IL17RA: variants seen among roughly 807,000 people sequenced by gnomAD.
IL17RA encodes interleukin-17 receptor A.
Under a neutral mutation model 50.4 loss-of-function variants are expected in IL17RA, and 34 were observed. The ratio of observed to expected loss-of-function variants is 0.67; its 90% CI spans 0.51 to 0.90. The LOEUF (loss-of-function observed/expected upper bound fraction) is 0.90. IL17RA is among the 40% of genes least tolerant of loss of function. IL17RA has a pLI of 0.00. For synonymous variants in IL17RA, 585 were observed against 510.4 expected, an observed-to-expected ratio of 1.15 and a Z score of -1.97; for missense variants, 1,276 against 1,169.8, an observed-to-expected ratio of 1.09 and a Z score of -1.32.
intron 1 of IL17RA, among the ~76,000 whole-genome samples, chr22:17,092,132 T>G (rs1258694196): frequency 2.0e-5 from 3 of 151,924 alleles, no homozygotes; most frequent in South Asian, 2.1e-4. Flanking sequence ...TGGCCAGTGG[T>G]TTAATCAGTC....
At position 17,110,205 on chromosome 22, in the gene IL17RA, C is replaced by T. The variant is rs765799372; in HGVS notation, c.*385C>T. The T allele has an allele frequency of 6.3e-6, 2 of 318,598 alleles. No individual in the cohort carries two copies. The highest frequency in any genetic ancestry group is 2.2e-5 in the African/African-American group (1 of 45,526). 19.7% of individuals were successfully genotyped at this position (318,598 alleles called of 1,614,324 possible). On this transcript the variant is annotated 3_prime_UTR_variant, in exon 13 of 13. Coordinates refer to ENST00000319363, the MANE Select transcript of IL17RA (RefSeq NM_014339.7). ...CCGCTAGTGCCGAGGACACGTTAAA[C>T]GAACAGGATGGGCCGGGCACGGTGG...
intron 1 of IL17RA, 138 bp downstream of exon 1, chr22:17,085,367 A>G: frequency 1.7e-5 from 23 of 1,392,764 alleles, no homozygotes; most frequent in Non-Finnish European, 2.2e-5. Context: ...AGGGGCTCAG[A>G]GCCTTGGGCA....
intron 1 of IL17RA, among the ~76,000 whole-genome samples, chr22:17,087,429 A>T (rs1181882158): frequency 6.6e-6 from 1 of 152,250 alleles, no homozygotes; most frequent in Non-Finnish European, 1.5e-5. Context: ...TTAGCCTTCC[A>T]TAACTATCCT....
chr22:17,097,942 C>T lies in IL17RA; in HGVS notation c.309C>T (p.Asp103=), dbSNP rs747724993. Residue 103 remains aspartate (D), a splice_region_variant and synonymous_variant, in exon 3 of 13, where the codon GAC becomes GAT. Transcript: ENST00000319363. ...ACATCGAATGGACACTGCAGACAGA[C>T]GGTGAGTGGGCATGCCAGCAGGGCC... The part of the protein sequence containing the change: ...VAHIEWTLQT[D]ASILYLEGAE... 1.4e-5 allele frequency: 22 copies of T among 1,613,892 alleles called. No homozygotes were observed. The highest frequency in any genetic ancestry group is 1.2e-4 in the African/African-American group (9 of 74,934).
intron 9 of IL17RA, 76 bp from the exon 10 acceptor site, chr22:17,105,515 C>T (rs777031798): frequency 6.5e-5 from 92 of 1,426,082 alleles, no homozygotes; most frequent in Middle Eastern, 1.7e-4. Context: ...CCTCAAGGGA[C>T]GTCAGTTGTG....
At position 17,103,559 on chromosome 22, in the gene IL17RA, C is replaced by T; in HGVS notation, c.828C>T (p.Cys276=). Residue 276 remains cysteine, a synonymous_variant, in exon 8 of 13, where the codon TGC becomes TGT. Transcript: ENST00000319363. ...VTLTLRNLKG[C]CRHQVQIQPF... ...TCACTCTACGCAACCTTAAAGGGTG[C>T]TGTCGCCACCAAGTGCAGGTGGGTG... 6.2e-7 allele frequency: 1 copy of T among 1,612,980 alleles called. No individual in the cohort carries two copies. Among genetic ancestry groups the T allele is most frequent in the East Asian group, 2.2e-5 (1 of 44,820 alleles).
intron 3 of IL17RA, 51 bp from the exon 4 acceptor site, chr22:17,098,724 T>G (rs1395255077): frequency 1.4e-6 from 2 of 1,475,042 alleles, no homozygotes; most frequent in Admixed American, 3.4e-5. Flanking sequence ...CACCCAGCAC[T>G]TGTCTTGGCT....
chr22:17,098,771 G>A lies in IL17RA; in HGVS notation c.311-4G>A, dbSNP rs757862938. On this transcript the variant is annotated splice_region_variant and splice_polypyrimidine_tract_variant and intron_variant, in intron 3 of 12. Transcript: ENST00000319363. ...GTTTGTCTTCTCTTCTCCCTCTCCT[G>A]CAGCCAGCATCCTGTACCTCGAGGG... 5.6e-6 allele frequency: 9 copies of A among 1,612,638 alleles called. No homozygotes were observed. Among genetic ancestry groups the A allele is most frequent in the African/African-American group, 5.3e-5 (4 of 75,034 alleles).
intron 1 of IL17RA, among the ~76,000 whole-genome samples, chr22:17,087,425 T>A (rs1421141271): frequency 6.6e-6 from 1 of 152,246 alleles, no homozygotes; most frequent in African/African-American, 2.4e-5. Flanking sequence ...CGATTTAGCC[T>A]TCCATAACTA....
At chr22:17,106,702 G>A (rs749403219) in intron 11 of IL17RA, among the ~76,000 whole-genome samples, 1 of 152,136 alleles carries the variant, frequency 6.6e-6, no homozygotes, top group Non-Finnish European at 1.5e-5. Context: ...CCTTCCCTAG[G>A]CTCGTCAGGA....
At chr22:17,089,185 A>G (rs2061339267) in intron 1 of IL17RA, among the ~76,000 whole-genome samples, 2 of 152,082 alleles carry the variant, frequency 1.3e-5, no homozygotes, top group Non-Finnish European at 2.9e-5. Context: ...GGCCTCCAAA[A>G]ATGTTGGGAT....
At chr22:17,100,999 A>G (rs1047790074) in intron 5 of IL17RA, among the ~76,000 whole-genome samples, 2 of 152,174 alleles carry the variant, frequency 1.3e-5, no homozygotes, top group South Asian at 2.1e-4. Flanking sequence ...TTTGATGTAC[A>G]TGTACCTTCT....
At chr22:17,089,251 C>T (rs2061339491) in intron 1 of IL17RA, among the ~76,000 whole-genome samples, 1 of 152,134 alleles carries the variant, frequency 6.6e-6, no homozygotes, top group Non-Finnish European at 1.5e-5. Context: ...GACAAGGCAG[C>T]AGAGATTAAG....
At chr22:17,105,521 TTG>T (rs747543392) in intron 9 of IL17RA, 68 bp from the exon 10 acceptor site, 17 of 1,481,458 alleles carry the variant, frequency 1.1e-5, no homozygotes, top group Non-Finnish European at 1.5e-5. Flanking sequence ...GGGACGTCAG[TTG>T]TGTTTCTTGT....
intron 9 of IL17RA, 74 bp downstream of exon 9, chr22:17,104,884 C>A: frequency 2.1e-6 from 3 of 1,411,990 alleles, no homozygotes; most frequent in African/African-American, 1.4e-5. Context: ...GTGCTGCGTC[C>A]TTACCTGGTT....
At chr22:17,097,671 A>G (rs1300414062) in intron 2 of IL17RA, 126 bp from the exon 3 acceptor site, 2 of 1,151,558 alleles carry the variant, frequency 1.7e-6, no homozygotes, top group Admixed American at 1.9e-5. Context: ...GGACGCGGCC[A>G]AGGGCCACAG....
In IL17RA at chr22:17,098,875, T is replaced by G. The variant is rs375768730; in HGVS notation, c.411T>G (p.His137Gln). 2 of 1,613,884 alleles carry G rather than the reference T, an allele frequency of 1.2e-6. No individual in the cohort carries two copies. The highest frequency in any genetic ancestry group is 2.7e-5 in the African/African-American group (2 of 74,932). The stretch of plus-strand genomic sequence containing the variant: ...TTGAGTTTCTGTCCAAACTGAGGCA[T>G]CACCACAGGCGGGTAAGAACACAGC... ...VRFEFLSKLR[H>Q]HHRRWRFTFS... Residue 137 changes from histidine (H) to glutamine (Q), a missense_variant, in exon 4 of 13, where the codon CAT (histidine) becomes CAG (glutamine). Transcript: ENST00000319363.
chr22:17,101,893 G>A, intron 5 of IL17RA, 103 bp from the exon 6 acceptor site: 1 of 1,448,412 alleles, frequency 6.9e-7, no homozygotes, highest in Non-Finnish European at 9.6e-7. Flanking sequence ...CTGCGGACAG[G>A]CTCCCAGTGG....
Position 17,108,890 on chromosome 22 carries a change from C to A in IL17RA, c.1671C>A (p.Asn557Lys), listed in dbSNP as rs775930747. The A allele has an allele frequency of 1.1e-5, 17 of 1,611,250 alleles. No homozygotes were observed. The highest frequency in any genetic ancestry group is 6.7e-5 in the Admixed American group (4 of 59,810). Residue 557 changes from asparagine to lysine, a missense_variant, in exon 13 of 13, where the codon AAC becomes AAA. By Grantham distance (94) the Asn-to-Lys change is moderately conservative. Transcript: ENST00000319363. Reference protein sequence around the residue: ...MHRVGELSGDNYLRSPGGRQL... With the variant: ...MHRVGELSGDKYLRSPGGRQL... ...GCGTAGGGGAGCTGTCGGGGGACAACTACCTGCGGAGCCCGGGCGGCAGGC... is the reference window on the plus strand; with the variant it reads ...GCGTAGGGGAGCTGTCGGGGGACAAATACCTGCGGAGCCCGGGCGGCAGGC...
Sources: gnomAD v4.1 joint callset for allele counts (sites outside exome capture counted in the v4.1 genomes callset) on GRCh38, gnomAD v4.1.1 for gene constraint, MANE v1.5 for transcripts, NCBI Gene and HGNC (gene_info 2026-07-23, HGNC 2026-07-21) for gene names.